KIFC1: variants seen among roughly 807,000 people sequenced by gnomAD.
KIFC1 encodes kinesin family member C1.
Under a neutral mutation model 66.6 loss-of-function variants are expected in KIFC1, and 37 were observed. The observed-to-expected ratio is 0.56, with a 90% CI of 0.43 to 0.73. The LOEUF is 0.73. Ranked by LOEUF, KIFC1 falls within the 30% of genes least tolerant of loss-of-function variation. KIFC1 has a pLI of 0.00. For synonymous variants in KIFC1, 325 were observed against 343.5 expected (o/e 0.95, Z 0.60); for missense variants, 721 against 859.8 (o/e 0.84, Z 2.02).
chr6:33,393,434 C>CTTTTTTTTT (rs71536188), intron 1 of KIFC1, among the ~76,000 whole-genome samples: 4 of 82,518 alleles, frequency 4.8e-5, no homozygotes, highest in East Asian at 3.9e-4. Context: ...GCACCATTGC[C>CTTTTTTTTT]TTTTTTTTTT....
rs370516356 is a variant in KIFC1 at position 33,396,329 on chromosome 6, C to T, written c.13-1700C>T. Among the ~76,000 whole-genome samples, 9 of 152,216 alleles carry T rather than the reference C, an allele frequency of 5.9e-5. No homozygotes were observed. The East Asian group carries it at 1.2e-3, about 20-fold the overall frequency. On this transcript the variant is annotated intron_variant, in intron 1 of 10. Transcript: ENST00000428849. ...GAGCACTTGAACTCAAAGTTCAAAG[C>T]CAGCTTGGGCAACCCTGTCTCAAAA... is the stretch of plus-strand genomic sequence containing the variant.
At chr6:33,399,582 T>C (rs750743316) in intron 3 of KIFC1, among the ~76,000 whole-genome samples, 31 of 152,222 alleles carry the variant, frequency 2.0e-4, no homozygotes, top group Non-Finnish European at 4.0e-4. Context: ...CTATTGTTCT[T>C]GGGCAACAAG....
chr6:33,392,045 G>C (rs1351062021), intron 1 of KIFC1, 48 bp downstream of exon 1: 1 of 1,603,226 alleles, frequency 6.2e-7, no homozygotes. Context: ...GGGGACGAAG[G>C]CTGACCGCTC....
Position 33,403,970 on chromosome 6 carries a change from T to G in KIFC1, c.597T>G (p.Ala199=), listed in dbSNP as rs370996461. ...ATTTAGCCAAGGTACAGGCCCAGGC[T>G]GAGCAGGGCCAACAGGAGCTGAAGA... ...EGHLAKVQAQ[A]EQGQQELKNL... Residue 199 remains alanine, a synonymous_variant, in exon 6 of 11, where the codon GCT becomes GCG. Transcript: ENST00000428849. This position sits in a 1 kb window ranked among gnomAD's most constrained non-coding sequence, Gnocchi z 4.6. 5 of 1,614,208 alleles carry G rather than the reference T, an allele frequency of 3.1e-6. No homozygotes were observed. Among genetic ancestry groups the G allele is most frequent in the Non-Finnish European group, 4.2e-6 (5 of 1,180,026 alleles).
Position 33,401,770 on chromosome 6 carries a change from C to T in KIFC1, c.251-1544C>T, listed in dbSNP as rs1210120679. 1.3e-5 allele frequency among the ~76,000 whole-genome samples: 2 copies of T among 151,662 alleles called. No homozygotes were observed. Among genetic ancestry groups the T allele is most frequent in the South Asian group, 2.1e-4 (1 of 4,810 alleles). ...AGGCTAGAGTGCAGTGGCATGATCT[C>T]GGCTCACTGCAAGCTCCGTCTCCTG... On this transcript the variant is annotated intron_variant, in intron 3 of 10. Transcript: ENST00000428849. The surrounding 1 kb of genome is among the most constrained non-coding windows in gnomAD (Gnocchi z 4.5).
Position 33,403,360 on chromosome 6 carries a change from T to C in KIFC1, c.297T>C (p.Ile99=). 1 of 1,614,104 alleles carries C rather than the reference T, an allele frequency of 6.2e-7. No homozygotes were observed. Among genetic ancestry groups the C allele is most frequent in the Non-Finnish European group, 8.5e-7 (1 of 1,179,990 alleles). ...KKTGPRCSTA[I]ATGLKNQKPV... is the part of the protein sequence containing the mutation. ...CAGGACCCCGGTGTTCCACAGCTAT[T>C]GCCACAGGTAACTGTGCTCAAGAGC... The change falls in exon 4 of 11, where the codon ATT becomes ATC. Residue 99 remains isoleucine (I), a synonymous_variant. Transcript: ENST00000428849. The surrounding 1 kb of genome is among the most constrained non-coding windows in gnomAD (Gnocchi z 4.6).
chr6:33,403,322 G>T lies in KIFC1; in HGVS notation c.259G>T (p.Val87Phe), dbSNP rs760616395. 3.6e-5 allele frequency: 58 copies of T among 1,613,330 alleles called. No homozygotes were observed. Among genetic ancestry groups the T allele is most frequent in the Non-Finnish European group, 4.7e-5 (56 of 1,180,010 alleles). ...TCCCATCTCCTGGGCAGCTCAAAAA[G>T]TTTCCAAGAAGACAGGACCCCGGTG... Reference protein sequence around the residue: ...QTQGQTTAQKVSKKTGPRCST... With the variant: ...QTQGQTTAQKFSKKTGPRCST... Residue 87 changes from valine (V) to phenylalanine (F), a missense_variant, in exon 4 of 11, where the codon GTT becomes TTT. Transcript: ENST00000428849. The surrounding 1 kb of genome is among the most constrained non-coding windows in gnomAD (Gnocchi z 4.6).
upstream of KIFC1, chr6:33,391,771 G>A (rs1562822254): frequency 3.1e-6 from 2 of 645,062 alleles, no homozygotes; most frequent in East Asian, 5.5e-5. Flanking sequence ...TGTGGCGACA[G>A]CGACGATTGG....
Position 33,409,895 on chromosome 6 carries a change from A to C in KIFC1, c.*205A>C, listed in dbSNP as rs954905199. On this transcript the variant is annotated 3_prime_UTR_variant, in exon 11 of 11. Transcript: ENST00000428849. ...ATAAAGGTTTTATTAGCATTTGCCC[A>C]AGAAGGCAGATACTTTCATATCTGT... is the stretch of plus-strand genomic sequence containing the variant. 3.4e-6 allele frequency: 2 copies of C among 595,636 alleles called. No homozygotes were observed. The highest frequency in any genetic ancestry group is 5.9e-6 in the Non-Finnish European group (2 of 337,280). 36.9% of individuals were successfully genotyped at this position (595,636 alleles called of 1,614,324 possible).
Position 33,409,302 on chromosome 6 carries a change from A to T in KIFC1, c.1978-344A>T, listed in dbSNP as rs187744360. Reference sequence around the variant, plus strand: ...ACTGATCCATTTTCTAAGGAGTCCTAGTTCCTAAATGGGTGTTATTACTAT... The same window carrying T: ...ACTGATCCATTTTCTAAGGAGTCCTTGTTCCTAAATGGGTGTTATTACTAT... On this transcript the variant is annotated intron_variant, in intron 10 of 10. Transcript: ENST00000428849. Among the ~76,000 whole-genome samples the T allele has an allele frequency of 2.5e-3, 377 of 152,290 alleles. 9 individuals carry two copies. The highest frequency in any genetic ancestry group is 0.019 in the Admixed American group (291 of 15,302).
intron 1 of KIFC1, among the ~76,000 whole-genome samples, chr6:33,395,247 T>C (rs781762572): frequency 1.3e-5 from 2 of 152,112 alleles, no homozygotes; most frequent in Non-Finnish European, 2.9e-5. Context: ...ATAGTACCTG[T>C]TAGGGAAAGC....
chr6:33,406,104 A>C lies in KIFC1; in HGVS notation c.1537-92A>C. 1.7e-6 allele frequency: 2 copies of C among 1,207,322 alleles called. No individual in the cohort carries two copies. Among genetic ancestry groups the C allele is most frequent in the Non-Finnish European group, 2.3e-6 (2 of 858,236 alleles). 74.8% of individuals were successfully genotyped at this position (1,207,322 alleles called of 1,614,324 possible). ...TTTCTTGACAGGCTAGAAAGCTTCAAGAGGGTGGGGGTGGGCTCTTATTCA... is the reference window on the plus strand; with the variant it reads ...TTTCTTGACAGGCTAGAAAGCTTCACGAGGGTGGGGGTGGGCTCTTATTCA... On this transcript the variant is annotated intron_variant, in intron 7 of 10. Transcript: ENST00000428849. The surrounding 1 kb of genome is among the most constrained non-coding windows in gnomAD (Gnocchi z 4.5).
At position 33,403,351 on chromosome 6, in the gene KIFC1, C is replaced by T. The variant is rs778365862; in HGVS notation, c.288C>T (p.Ser96=). The change falls in exon 4 of 11, where the codon TCC becomes TCT. Residue 96 remains serine, a synonymous_variant. Coordinates refer to ENST00000428849, the MANE Select transcript of KIFC1 (RefSeq NM_002263.4). This position sits in a 1 kb window ranked among gnomAD's most constrained non-coding sequence, Gnocchi z 4.6. ...CCAAGAAGACAGGACCCCGGTGTTC[C>T]ACAGCTATTGCCACAGGTAACTGTG... ...KVSKKTGPRC[S]TAIATGLKNQ... The T allele has an allele frequency of 1.4e-5, 23 of 1,613,926 alleles. No individual in the cohort carries two copies. The highest frequency in any genetic ancestry group is 1.7e-5 in the Admixed American group (1 of 60,010).
In KIFC1 at chr6:33,401,968, G is replaced by A. The variant is rs765301259; in HGVS notation, c.251-1346G>A. 4.6e-5 allele frequency among the ~76,000 whole-genome samples: 7 copies of A among 152,208 alleles called. No homozygotes were observed. Among genetic ancestry groups the A allele is most frequent in the African/African-American group, 7.2e-5 (3 of 41,450 alleles). ...GATCTGCCCACCTCGGCCTCCCAAA[G>A]TGCTGGGATTACAGGCGTGAGCCAC... On this transcript the variant is annotated intron_variant, in intron 3 of 10. Transcript: ENST00000428849. This position sits in a 1 kb window ranked among gnomAD's most constrained non-coding sequence, Gnocchi z 4.5.
At chr6:33,393,581 C>T (rs751453874) in intron 1 of KIFC1, among the ~76,000 whole-genome samples, 5 of 151,416 alleles carry the variant, frequency 3.3e-5, no homozygotes, top group Non-Finnish European at 7.4e-5. Flanking sequence ...GCTGGGACTA[C>T]AGGCAGCTGC....
At chr6:33,393,999 G>C (rs1774917318) in intron 1 of KIFC1, among the ~76,000 whole-genome samples, 1 of 151,934 alleles carries the variant, frequency 6.6e-6, no homozygotes. Context: ...TCCCACCTCG[G>C]CCTCCCAAAG....
chr6:33,398,038 C>G lies in KIFC1; in HGVS notation c.22C>G (p.Leu8Val). The G allele has an allele frequency of 1.2e-6, 2 of 1,613,988 alleles. No homozygotes were observed. Among genetic ancestry groups the G allele is most frequent in the Non-Finnish European group, 1.7e-6 (2 of 1,179,992 alleles). Reference protein sequence around the residue: MDPQRSPLLEVKGNIELK... With the variant: MDPQRSPVLEVKGNIELK... ...TCTCTTTTCCCAACAGAGGTCCCCC[C>G]TATTGGAAGTAAAGGGGAACATAGA... Residue 8 changes from leucine (L) to valine (V), a missense_variant, in exon 2 of 11, where the codon CTA becomes GTA. Coordinates refer to ENST00000428849, the MANE Select transcript of KIFC1 (RefSeq NM_002263.4).
At chr6:33,393,704 C>T (rs1475929519) in intron 1 of KIFC1, among the ~76,000 whole-genome samples, 5 of 151,114 alleles carry the variant, frequency 3.3e-5, no homozygotes, top group East Asian at 3.9e-4. Context: ...CCTCGGCCTC[C>T]GAGAGTGCTG....
At position 33,393,957 on chromosome 6, in the gene KIFC1, C is replaced by T. The variant is rs960322645; in HGVS notation, c.12+1960C>T. ...TAGACAGGGTTTCACCGCGTTAGCC[C>T]GGATGGTCTCAATTTCCTGACCTCA... On this transcript the variant is annotated intron_variant, in intron 1 of 10. Transcript: ENST00000428849. Among the ~76,000 whole-genome samples, 5 of 151,798 alleles carry T rather than the reference C, an allele frequency of 3.3e-5. No homozygotes were observed. In the East Asian group the frequency reaches 5.8e-4, roughly 18 times the overall value.
Sources: allele counts gnomAD v4.1 joint callset (sites outside exome capture counted in the v4.1 genomes callset), GRCh38; gene constraint gnomAD v4.1.1; non-coding constraint Gnocchi (gnomAD v3.1); transcripts MANE v1.5; gene names NCBI Gene and HGNC (gene_info 2026-07-23, HGNC 2026-07-21).